The following FRMPD4 variants were observed in gnomAD, a reference collection of about 807,000 sequenced individuals.
FRMPD4 encodes the protein FERM and PDZ domain-containing protein 4.
In FRMPD4, 22 loss-of-function variants were observed where a neutral mutation model predicts 94.1. The observed-to-expected ratio is 0.23, with a 90% CI of 0.17 to 0.33. FRMPD4 has a LOEUF of 0.33. Ranked by LOEUF, FRMPD4 falls within the 10% of genes least tolerant of loss-of-function variation. The probability of loss-of-function intolerance (pLI) is 1.00; values close to 1 mark genes in which losing one functional copy is unlikely to be tolerated. For synonymous variants in FRMPD4, 631 were observed against 548.6 expected (o/e 1.15, Z -2.10); for missense variants, 1,111 against 1,339.9 (o/e 0.83, Z 2.67).
intron 3 of FRMPD4, among the ~76,000 whole-genome samples, chrX:11,928,099 C>G (rs888130128): frequency 8.9e-6 from 1 of 112,290 alleles, no homozygotes; most frequent in African/African-American, 3.2e-5. Context: ...AGGGCATGAA[C>G]AGACACTTTT....
chrX:11,908,338 T>C (rs1391619300), intron 3 of FRMPD4, among the ~76,000 whole-genome samples: 1 of 111,988 alleles, frequency 8.9e-6, no homozygotes, highest in Non-Finnish European at 1.9e-5. Flanking sequence ...TAGCCAAGGA[T>C]ATATGTAGAG....
intron 1 of FRMPD4, among the ~76,000 whole-genome samples, chrX:12,198,791 T>C (rs1220961031): frequency 1.8e-5 from 2 of 112,339 alleles, no homozygotes; most frequent in Non-Finnish European, 3.8e-5. Context: ...ATTAATCATT[T>C]ATAGTGAAAA....
rs185400107 is a variant in FRMPD4 at position 11,984,182 on chromosome X, C to T, written c.95+106164C>T. Among the ~76,000 whole-genome samples the T allele has an allele frequency of 1.6e-4, 18 of 112,089 alleles. No individual in the cohort carries two copies. The East Asian group carries it at 4.5e-3, about 28-fold the overall frequency. ...GACTCTCCAACGAAGTTTTCCTGGG[C>T]GTTTTTCTGCTAAAGCTTTGGCTAA... is the stretch of plus-strand genomic sequence containing the variant. On this transcript the variant is annotated intron_variant, in intron 3 of 18. Transcript: ENST00000640291.
intron 3 of FRMPD4, among the ~76,000 whole-genome samples, chrX:11,886,991 T>G (rs1418091354): frequency 9.0e-6 from 1 of 111,183 alleles, no homozygotes; most frequent in Admixed American, 9.6e-5. Context: ...TACAGCATTC[T>G]CACAATCATC....
At position 12,270,094 on chromosome X, in the gene FRMPD4, A is replaced by T. The variant is rs750813244; in HGVS notation, c.41+131082A>T. Among the ~76,000 whole-genome samples the T allele has an allele frequency of 6.2e-5, 7 of 112,061 alleles. No homozygotes were observed. In the East Asian group the frequency reaches 2.0e-3, roughly 31 times the overall value. On this transcript the variant is annotated intron_variant, in intron 1 of 16. Transcript: ENST00000675598. ...TCCTTCAGAAAGAATTTCCAGTTGC[A>T]AAAATATTGATGTGTTCACTGTATG...
chrX:11,951,059 C>CAAAAA (rs35673540), intron 3 of FRMPD4, among the ~76,000 whole-genome samples: 1 of 32,343 alleles, frequency 3.1e-5, no homozygotes, highest in African/African-American at 1.3e-4. Flanking sequence ...AACTCCATCT[C>CAAAAA]AAAAAAAAAA....
At chrX:12,092,541 A>G (rs185002230) in intron 3 of FRMPD4, among the ~76,000 whole-genome samples, 6 of 111,988 alleles carry the variant, frequency 5.4e-5, no homozygotes, top group Admixed American at 1.9e-4. Flanking sequence ...GGTTGAAAAG[A>G]GAAAGAGAAC....
At chrX:12,412,707 T>C (rs1258725959) in intron 1 of FRMPD4, among the ~76,000 whole-genome samples, 1 of 112,228 alleles carries the variant, frequency 8.9e-6, no homozygotes, top group East Asian at 2.8e-4. Flanking sequence ...CAGTGGTTCC[T>C]GGGAGAGGAA....
intron 3 of FRMPD4, among the ~76,000 whole-genome samples, chrX:12,080,301 T>G (rs975164736): frequency 3.6e-5 from 4 of 112,658 alleles, no homozygotes; most frequent in Non-Finnish European, 7.5e-5. Context: ...TTCAAAATCT[T>G]CATTCACTCT....
rs2053555449 is a variant in FRMPD4, at chrX:11,843,765, GATGTT to G, written c.-161+21051_-161+21055del. Among the ~76,000 whole-genome samples the G allele has an allele frequency of 2.7e-5, 3 of 109,713 alleles. No homozygotes were observed. The East Asian group carries it at 8.7e-4, about 32-fold the overall frequency. ...TGGGTCTTGCTGTGTTCACCAGGCT[GATGTT>G]GAACTGCTGGACTCAGGTAATTCTT... On this transcript the variant is annotated intron_variant, in intron 1 of 18. Coordinates refer to the FRMPD4 transcript ENST00000640291.
At chrX:11,916,410 G>T (rs1335765299) in intron 3 of FRMPD4, among the ~76,000 whole-genome samples, 1 of 111,293 alleles carries the variant, frequency 9.0e-6, no homozygotes, top group Admixed American at 9.6e-5. Flanking sequence ...ATGGATTTAA[G>T]TGGGGGTCCA....
At chrX:12,130,898 C>T (rs891014719) in intron 3 of FRMPD4, among the ~76,000 whole-genome samples, 9 of 111,683 alleles carry the variant, frequency 8.1e-5, no homozygotes, top group African/African-American at 2.3e-4. Flanking sequence ...GAGGCTTTGT[C>T]GGTTATTTGA....
At chrX:12,292,930 A>G (rs1279740223) in intron 1 of FRMPD4, among the ~76,000 whole-genome samples, 1 of 110,467 alleles carries the variant, frequency 9.1e-6, no homozygotes, top group Non-Finnish European at 1.9e-5. Flanking sequence ...AGGCATGTAC[A>G]TATACATCTT....
intron 1 of FRMPD4, among the ~76,000 whole-genome samples, chrX:12,271,034 G>A (rs1209510375): frequency 8.9e-6 from 1 of 111,977 alleles, no homozygotes; most frequent in Non-Finnish European, 1.9e-5. Flanking sequence ...TAGTATCAGT[G>A]TAAATAGTCT....
chrX:12,512,397 C>A (rs1306858907), intron 2 of FRMPD4, among the ~76,000 whole-genome samples: 1 of 112,025 alleles, frequency 8.9e-6, no homozygotes, highest in Non-Finnish European at 1.9e-5. Flanking sequence ...ACTACAGGCC[C>A]CAGTGTGTGT....
chrX:11,822,785 T>C (rs1204850788), intron 1 of FRMPD4, among the ~76,000 whole-genome samples: 2 of 112,229 alleles, frequency 1.8e-5, no homozygotes, highest in African/African-American at 6.5e-5. Context: ...AAATCAAGGC[T>C]ACTCTCTACT....
intron 1 of FRMPD4, among the ~76,000 whole-genome samples, chrX:12,199,269 GTA>G (rs1491165329): frequency 0.027 from 2,418 of 88,120 alleles, 39 homozygotes; most frequent in East Asian, 0.23. Flanking sequence ...GTGTGTGTGT[GTA>G]TGTGTGTGTG....
intron 1 of FRMPD4, among the ~76,000 whole-genome samples, chrX:12,289,492 T>TC (rs1359558174): frequency 2.7e-5 from 3 of 112,043 alleles, no homozygotes; most frequent in Non-Finnish European, 3.8e-5. Context: ...CTAGTGGTCA[T>TC]CATATTGGAC....
chrX:12,427,905 T>C (rs12853345), intron 1 of FRMPD4, among the ~76,000 whole-genome samples: 1,434 of 47,498 alleles, frequency 0.03, 16 homozygotes, highest in South Asian at 0.067. Context: ...CTCTTTTTTT[T>C]TTTTTTTTTT....
Sources: allele counts gnomAD v4.1 joint callset (sites outside exome capture counted in the v4.1 genomes callset), GRCh38; gene constraint gnomAD v4.1.1; transcripts MANE v1.5; gene names NCBI Gene and HGNC (gene_info 2026-07-23, HGNC 2026-07-21).